The following MACROD2 variants were observed in gnomAD, a reference collection of about 807,000 sequenced individuals.
The protein encoded by MACROD2 is ADP-ribose glycohydrolase MACROD2.
In MACROD2, 36 loss-of-function variants were observed where a neutral mutation model predicts 70.4. That is an observed-to-expected ratio of 0.51 (90% CI 0.39 to 0.68). MACROD2 has a LOEUF of 0.68. Ranked by LOEUF, MACROD2 falls within the 30% of genes least tolerant of loss-of-function variation. The pLI, the probability that MACROD2 is intolerant of heterozygous loss-of-function variation, is 0.00. For missense variants in MACROD2, 496 were observed against 538.4 expected, an observed-to-expected ratio of 0.92 and a Z score of 0.78; for synonymous variants, 172 against 178.8, an observed-to-expected ratio of 0.96 and a Z score of 0.30.
intron 8 of MACROD2, among the ~76,000 whole-genome samples, chr20:15,802,514 T>C (rs902953210): frequency 6.6e-6 from 1 of 152,174 alleles, no homozygotes; most frequent in Non-Finnish European, 1.5e-5. Flanking sequence ...TGTTGAACTG[T>C]CCTTGCATCC....
At chr20:15,623,377 A>G (rs1225904789) in intron 8 of MACROD2, among the ~76,000 whole-genome samples, 3 of 152,224 alleles carry the variant, frequency 2.0e-5, no homozygotes, top group Non-Finnish European at 4.4e-5. Flanking sequence ...CATTTGATAA[A>G]TGAATATGTT....
chr20:15,908,129 TG>T (rs1410348883), intron 10 of MACROD2, among the ~76,000 whole-genome samples: 1 of 152,224 alleles, frequency 6.6e-6, no homozygotes, highest in Non-Finnish European at 1.5e-5. Context: ...CTGTGTTTTT[TG>T]TTTTTTTCCT....
At chr20:15,933,372 G>C in intron 11 of MACROD2, 34 bp downstream of exon 11, 1 of 1,592,954 alleles carries the variant, frequency 6.3e-7, no homozygotes, top group South Asian at 1.1e-5. Flanking sequence ...AGTCACCTAG[G>C]CCTCATCTGC....
intron 5 of MACROD2, among the ~76,000 whole-genome samples, chr20:14,750,958 C>G (rs2071861918): frequency 6.6e-6 from 1 of 152,004 alleles, no homozygotes; most frequent in African/African-American, 2.4e-5. Context: ...ATCCCATGTA[C>G]AGTTGAAGTT....
intron 5 of MACROD2, among the ~76,000 whole-genome samples, chr20:15,158,143 TAG>T (rs1397524163): frequency 6.6e-6 from 1 of 152,160 alleles, no homozygotes; most frequent in Admixed American, 6.5e-5. Context: ...TGACACATAA[TAG>T]GGGATATTCT....
rs71340214 is a variant in MACROD2 at position 15,301,591 on chromosome 20, C to CTTTTTTTTTTTTTTTTTTTTTTTTT, written c.540+71553_540+71554insTTTTTTTTTTTTTTTTTTTTTTTTT. Among the ~76,000 whole-genome samples the CTTTTTTTTTTTTTTTTTTTTTTTTT allele has an allele frequency of 3.6e-4, 29 of 81,252 alleles. 4 individuals carry two copies. Among genetic ancestry groups the CTTTTTTTTTTTTTTTTTTTTTTTTT allele is most frequent in the Admixed American group, 6.0e-4 (4 of 6,710 alleles). The allele number at this position is 81,252 out of a possible 152,430, so 53.3% of individuals were successfully genotyped here. A position where few individuals can be genotyped will look rare whatever the true frequency, so the allele number is the denominator to read the frequency against. On this transcript the variant is annotated intron_variant, in intron 6 of 17. Transcript: ENST00000684519. Reference sequence around the variant, plus strand: ...GGAAGTTAGTAAGATGGTAGGTGGCCTTTTTTTTTTTTTTTTTTTTTTTGT... The same window carrying CTTTTTTTTTTTTTTTTTTTTTTTTT: ...GGAAGTTAGTAAGATGGTAGGTGGCCTTTTTTTTTTTTTTTTTTTTTTTTTTTTTTTTTTTTTTTTTTTTTTTTGT...
At chr20:15,308,423 T>C (rs6131659) in intron 6 of MACROD2, among the ~76,000 whole-genome samples, 7,617 of 152,252 alleles carry the variant, frequency 0.05, 320 homozygotes, top group East Asian at 0.16. Context: ...TATTTAACTT[T>C]GCAAGGTCTA....
chr20:14,943,513 T>C (rs2074407102), intron 5 of MACROD2, among the ~76,000 whole-genome samples: 1 of 152,190 alleles, frequency 6.6e-6, no homozygotes, highest in Non-Finnish European at 1.5e-5. Context: ...ATGGTTGATA[T>C]ATTGCTTCCC....
chr20:15,665,989 T>A (rs919657859), intron 8 of MACROD2, among the ~76,000 whole-genome samples: 27 of 148,868 alleles, frequency 1.8e-4, no homozygotes, highest in African/African-American at 6.2e-4. Flanking sequence ...GAGAAAATAG[T>A]AAAAAAAAAA....
At chr20:15,281,786 T>C (rs1279856564) in intron 6 of MACROD2, among the ~76,000 whole-genome samples, 1 of 152,198 alleles carries the variant, frequency 6.6e-6, no homozygotes. Context: ...ATGGTGGTCC[T>C]CTTCTCACAG....
chr20:15,169,771 C>G (rs888968828), intron 5 of MACROD2, among the ~76,000 whole-genome samples: 1 of 148,820 alleles, frequency 6.7e-6, no homozygotes, highest in African/African-American at 2.5e-5. Flanking sequence ...GACCTGAAAG[C>G]TTTTTTTTTT....
chr20:15,652,087 T>C (rs756762323), intron 8 of MACROD2, among the ~76,000 whole-genome samples: 6 of 152,130 alleles, frequency 3.9e-5, no homozygotes, highest in African/African-American at 9.7e-5. Context: ...CAGCATTTGA[T>C]AAGCAACCCA....
At chr20:14,746,205 A>G (rs1453688651) in intron 5 of MACROD2, among the ~76,000 whole-genome samples, 4 of 152,122 alleles carry the variant, frequency 2.6e-5, no homozygotes, top group East Asian at 1.9e-4. Context: ...GCTGCTTTCA[A>G]CTTTTCACTA....
At chr20:15,250,527 T>G (rs148042193) in intron 6 of MACROD2, among the ~76,000 whole-genome samples, 1 of 152,210 alleles carries the variant, frequency 6.6e-6, no homozygotes, top group Non-Finnish European at 1.5e-5. Flanking sequence ...AACATATAAG[T>G]CAAAGGATTG....
intron 4 of MACROD2, among the ~76,000 whole-genome samples, chr20:14,516,994 T>C (rs1387101206): frequency 6.6e-6 from 1 of 152,110 alleles, no homozygotes; most frequent in Non-Finnish European, 1.5e-5. Context: ...TGGGATACCA[T>C]CTCATGCCAG....
intron 6 of MACROD2, among the ~76,000 whole-genome samples, chr20:15,380,583 GGTAACCTAA>G (rs1419574636): frequency 1.3e-5 from 2 of 152,092 alleles, no homozygotes; most frequent in East Asian, 3.9e-4. Flanking sequence ...ATGCTCTTCA[GGTAACCTAA>G]GTCAACTGGT....
intron 13 of MACROD2, among the ~76,000 whole-genome samples, chr20:15,984,108 TTATAGAC>T (rs1436187536): frequency 1.5e-5 from 2 of 134,244 alleles, no homozygotes; most frequent in Non-Finnish European, 3.5e-5. Context: ...AGGTAAGATT[TTATAGAC>T]TTTTTTTAAC....
At chr20:16,035,134 TA>T (rs1568725971) in intron 15 of MACROD2, among the ~76,000 whole-genome samples, 1,306 of 73,900 alleles carry the variant, frequency 0.018, 77 homozygotes, top group African/African-American at 0.052. Flanking sequence ...AAATATTATA[TA>T]TTATATATTA....
At chr20:15,206,316 T>G (rs1222877988) in intron 5 of MACROD2, among the ~76,000 whole-genome samples, 1 of 152,210 alleles carries the variant, frequency 6.6e-6, no homozygotes, top group East Asian at 1.9e-4. Flanking sequence ...ACTCAAAAAT[T>G]TCCATTACTT....
Sources: allele counts gnomAD v4.1 joint callset (sites outside exome capture counted in the v4.1 genomes callset), GRCh38; gene constraint gnomAD v4.1.1; transcripts MANE v1.5; gene names NCBI Gene and HGNC (gene_info 2026-07-23, HGNC 2026-07-21).